Variants in NBEA observed in about 807,000 individuals in gnomAD.
NBEA encodes the protein lysosomal-trafficking regulator 2.
A neutral mutation model predicts 343.4 loss-of-function variants in NBEA; 44 were observed. The ratio of observed to expected loss-of-function variants is 0.13; its 90% CI spans 0.10 to 0.16. The LOEUF is 0.16. NBEA is among the 10% of genes least tolerant of loss of function. The pLI is 1.00. For synonymous variants in NBEA, 1,175 were observed against 1,238.7 expected, an observed-to-expected ratio of 0.95 and a Z score of 1.08; for missense variants, 2,555 against 3,631.3, an observed-to-expected ratio of 0.70 and a Z score of 7.62.
At chr13:35,037,752 C>G (rs2062500636) in intron 1 of NBEA, among the ~76,000 whole-genome samples, 1 of 152,186 alleles carries the variant, frequency 6.6e-6, no homozygotes, top group African/African-American at 2.4e-5. Context: ...GGCACAAGCA[C>G]TCCTATGACC....
chr13:35,289,343 G>C (rs1319528429), intron 34 of NBEA, among the ~76,000 whole-genome samples: 1 of 151,798 alleles, frequency 6.6e-6, no homozygotes, highest in Non-Finnish European at 1.5e-5. Flanking sequence ...ATTTTTGAAA[G>C]AGGAAAAATC....
intron 34 of NBEA, among the ~76,000 whole-genome samples, chr13:35,289,231 C>T (rs1254394149): frequency 6.6e-6 from 1 of 151,790 alleles, no homozygotes. Flanking sequence ...AAGACCATGG[C>T]CTGCCTTACT....
At chr13:35,479,627 AT>A (rs2076038774) in intron 41 of NBEA, among the ~76,000 whole-genome samples, 1 of 152,214 alleles carries the variant, frequency 6.6e-6, no homozygotes, top group Non-Finnish European at 1.5e-5. Flanking sequence ...TTTTAAAAAA[AT>A]ATCATTTGAC....
chr13:35,425,267 T>C (rs2044578961), intron 38 of NBEA, among the ~76,000 whole-genome samples: 1 of 152,198 alleles, frequency 6.6e-6, no homozygotes, highest in Non-Finnish European at 1.5e-5. Context: ...CTTTCCTGCT[T>C]TCTCTTGTGG....
chr13:35,114,971 G>T (rs764167137), intron 13 of NBEA, among the ~76,000 whole-genome samples: 1 of 151,970 alleles, frequency 6.6e-6, no homozygotes, highest in Non-Finnish European at 1.5e-5. Flanking sequence ...TCATGTGTAG[G>T]CACTCGCCTT....
intron 10 of NBEA, among the ~76,000 whole-genome samples, chr13:35,074,177 G>C (rs760278058): frequency 5.3e-5 from 8 of 152,068 alleles, no homozygotes; most frequent in African/African-American, 1.9e-4. Context: ...AAACTCTGAA[G>C]TAATATAGCT....
chr13:35,495,978 G>A (rs959679825), intron 41 of NBEA, among the ~76,000 whole-genome samples: 1 of 151,984 alleles, frequency 6.6e-6, no homozygotes, highest in Non-Finnish European at 1.5e-5. Context: ...TGGGGATGAA[G>A]TAGGATATAA....
chr13:35,466,630 G>A (rs928533485), intron 40 of NBEA, among the ~76,000 whole-genome samples: 4 of 151,964 alleles, frequency 2.6e-5, no homozygotes, highest in African/African-American at 9.7e-5. Context: ...ACCAAACCCA[G>A]CTAATTTTTT....
chr13:35,475,854 G>A (rs1473404224), intron 41 of NBEA: 1 of 1,614,006 alleles, frequency 6.2e-7, no homozygotes, highest in Admixed American at 1.7e-5. Context: ...CCGCGCAGCC[G>A]GGCAGTGAGC....
intron 45 of NBEA, among the ~76,000 whole-genome samples, chr13:35,570,056 C>T (rs1011387337): frequency 1.3e-5 from 2 of 152,146 alleles, no homozygotes; most frequent in Non-Finnish European, 2.9e-5. Context: ...GCTTTTGAGA[C>T]GGAGTCTCGC....
intron 41 of NBEA, among the ~76,000 whole-genome samples, chr13:35,510,755 T>C (rs1026662740): frequency 1.3e-5 from 2 of 152,216 alleles, no homozygotes; most frequent in Non-Finnish European, 2.9e-5. Flanking sequence ...GTATCTCATT[T>C]AGTCCTTACA....
intron 48 of NBEA, among the ~76,000 whole-genome samples, chr13:35,627,202 A>C (rs410595): frequency 0.024 from 3,723 of 152,324 alleles, 140 homozygotes; most frequent in East Asian, 0.12. Context: ...AAATTGTCTT[A>C]CATGGCTCTG....
In NBEA at chr13:35,452,095, C is replaced by T. The variant is rs756245795; in HGVS notation, c.6308C>T (p.Thr2103Met). 31 of 1,609,740 alleles carry T rather than the reference C, an allele frequency of 1.9e-5. No homozygotes were observed. The East Asian group carries it at 4.2e-4, about 22-fold the overall frequency. The change falls in exon 40 of 59, where the codon ACG becomes ATG. Residue 2103 changes from threonine to methionine, a missense_variant. This residue lies in a region of NBEA where 246 missense variants were observed against 313.7 expected (regional missense o/e 0.78). Transcript: ENST00000379939. ...ATTATATTTTTGTTGTGATTAGGCACGGAAGAAGATGTAGTAAAGTCAAAG... is the reference window on the plus strand; with the variant it reads ...ATTATATTTTTGTTGTGATTAGGCATGGAAGAAGATGTAGTAAAGTCAAAG... ...ALLKAAIEYG[T>M]EEDVVKSKKT...
At chr13:35,623,245 A>G (rs146274206) in intron 48 of NBEA, among the ~76,000 whole-genome samples, 15 of 152,324 alleles carry the variant, frequency 9.8e-5, no homozygotes, top group Admixed American at 9.8e-4. Context: ...ATAGGTTTGT[A>G]TATAAAAATG....
At chr13:35,081,238 T>A (rs1455522819) in intron 10 of NBEA, among the ~76,000 whole-genome samples, 1 of 152,092 alleles carries the variant, frequency 6.6e-6, no homozygotes, top group Non-Finnish European at 1.5e-5. Context: ...TAGAGCCTAA[T>A]TTTTGTACAA....
At chr13:35,066,800 G>T (rs1316371555) in intron 8 of NBEA, among the ~76,000 whole-genome samples, 1 of 151,702 alleles carries the variant, frequency 6.6e-6, no homozygotes, top group Non-Finnish European at 1.5e-5. Flanking sequence ...GTTTCCATCT[G>T]TCATTTTATT....
At chr13:35,155,932 A>T in intron 19 of NBEA, 77 bp downstream of exon 19, 1 of 1,510,446 alleles carries the variant, frequency 6.6e-7, no homozygotes, top group South Asian at 1.1e-5. Context: ...ACTTTTCCTA[A>T]CCCCTTAAAT....
At chr13:35,324,241 G>C (rs944062185) in intron 36 of NBEA, among the ~76,000 whole-genome samples, 6 of 152,176 alleles carry the variant, frequency 3.9e-5, no homozygotes, top group African/African-American at 1.4e-4. Context: ...AAGAATACAG[G>C]CATGACCTGT....
At position 35,670,890 on chromosome 13, in the gene NBEA, T is replaced by C; in HGVS notation, c.8814-11T>C. 6.3e-7 allele frequency: 1 copy of C among 1,574,866 alleles called. No homozygotes were observed. The highest frequency in any genetic ancestry group is 8.7e-7 in the Non-Finnish European group (1 of 1,154,480). On this transcript the variant is annotated splice_polypyrimidine_tract_variant and intron_variant, in intron 58 of 58. Coordinates refer to ENST00000379939, the MANE Select transcript of NBEA (RefSeq NM_001385012.1). ...TTATATCACTCTTAACTGCTGTTTC[T>C]GCTTTTCCAGGACTCTGATCACTGG... is the stretch of plus-strand genomic sequence containing the variant.
Sources: gnomAD v4.1 joint callset for allele counts (sites outside exome capture counted in the v4.1 genomes callset) on GRCh38, gnomAD v4.1.1 for gene constraint, gnomAD v4.1.1 regional missense constraint, MANE v1.5 for transcripts, NCBI Gene and HGNC (gene_info 2026-07-23, HGNC 2026-07-21) for gene names.